Variants in DEFB127 observed in about 807,000 individuals in gnomAD.
The protein encoded by DEFB127 is defensin beta 127, also known as beta-defensin 127.
A neutral mutation model predicts 2.4 loss-of-function variants in DEFB127; 2 were observed. That is an observed-to-expected ratio of 0.82 (90% CI 0.34 to 2.58). The LOEUF (loss-of-function observed/expected upper bound fraction) is 2.58, where lower values mean the gene tolerates loss of function less well. Ranked by LOEUF, DEFB127 falls within the 30% of genes most tolerant of loss-of-function variation. The probability of loss-of-function intolerance (pLI) is 0.11; values close to 1 mark genes in which losing one functional copy is unlikely to be tolerated. For missense variants in DEFB127, 110 were observed against 113.2 expected (o/e 0.97, Z 0.13); for synonymous variants, 37 against 39.8 (o/e 0.93, Z 0.26).
intron 1 of DEFB127, among the ~76,000 whole-genome samples, chr20:158,519 G>C (rs763331251): frequency 6.6e-6 from 1 of 152,130 alleles, no homozygotes; most frequent in Non-Finnish European, 1.5e-5. Context: ...TCTCAGATAA[G>C]ATCTTATGTT....
In DEFB127 at chr20:157,494, C is replaced by T; in HGVS notation, c.-51C>T. ...TCTCTGAGGAAGGTAGCATAGTGTGCAGTTCACTGGACCAAAAGCTTTGGC... is the reference window on the plus strand; with the variant it reads ...TCTCTGAGGAAGGTAGCATAGTGTGTAGTTCACTGGACCAAAAGCTTTGGC... On this transcript the variant is annotated 5_prime_UTR_variant, in exon 1 of 2. Coordinates refer to ENST00000382388, the MANE Select transcript of DEFB127 (RefSeq NM_139074.4). 6.3e-7 allele frequency: 1 copy of T among 1,593,260 alleles called. No homozygotes were observed. Among genetic ancestry groups the T allele is most frequent in the East Asian group, 2.2e-5 (1 of 44,788 alleles).
chr20:158,624 T>C, intron 1 of DEFB127, 150 bp from the exon 2 acceptor site: 1 of 762,018 alleles, frequency 1.3e-6, no homozygotes, highest in Non-Finnish European at 2.0e-6. Context: ...AGGTTGACCT[T>C]GTCGGAAAAT....
rs2054713622 is a variant in DEFB127 at position 158,827 on chromosome 20, A to G, written c.103A>G (p.Lys35Glu). The change falls in exon 2 of 2, where the codon AAA (lysine) becomes GAA (glutamate). Residue 35 changes from lysine to glutamate, a missense_variant. Physicochemically the swap from Lys to Glu is moderately conservative, Grantham distance 56 (BLOSUM62 1). Transcript: ENST00000382388. ...TAACTATGTACAAGGACATTGCAGG[A>G]AAATCTGCAGAGTAAATGAAGTGCC... ...WNNYVQGHCRKICRVNEVPEA... is the reference protein window; with the variant it reads ...WNNYVQGHCREICRVNEVPEA... 1 of 1,613,522 alleles carries G rather than the reference A, an allele frequency of 6.2e-7. No individual in the cohort carries two copies. The highest frequency in any genetic ancestry group is 2.2e-5 in the East Asian group (1 of 44,876).
Position 157,757 on chromosome 20 carries a change from G to A in DEFB127, c.49+164G>A, listed in dbSNP as rs548163371. On this transcript the variant is annotated intron_variant, in intron 1 of 1. Coordinates refer to ENST00000382388, the MANE Select transcript of DEFB127 (RefSeq NM_139074.4). The stretch of plus-strand genomic sequence containing the variant: ...TCCTCTTTCTGGAGCCTTATTCCAT[G>A]TTACTATCCTTAAAGAGGAGTACTC... Among the ~76,000 whole-genome samples, 37 of 152,254 alleles carry A rather than the reference G, an allele frequency of 2.4e-4. No individual in the cohort carries two copies. The South Asian group carries it at 4.2e-3, about 17-fold the overall frequency.
In DEFB127 at chr20:157,931, A is replaced by ATATG. The variant is rs1491161669; in HGVS notation, c.49+339_49+340insATGT. Among the ~76,000 whole-genome samples, 39 of 21,116 alleles carry ATATG rather than the reference A, an allele frequency of 1.8e-3. 1 individual carries two copies. The highest frequency in any genetic ancestry group is 2.0e-3 in the African/African-American group (33 of 16,172). 13.9% of individuals were successfully genotyped at this position (21,116 alleles called of 152,430 possible). On this transcript the variant is annotated intron_variant, in intron 1 of 1. Coordinates refer to ENST00000382388, the MANE Select transcript of DEFB127 (RefSeq NM_139074.4). ...TATTTCCTTTTACTCAAATATATAT[A>ATATG]TGTGTGTGTGTGTGTGTGTGTGTGT...
Position 159,077 on chromosome 20 carries a change from G to A in DEFB127, c.*53G>A, listed in dbSNP as rs775956923. 51 of 1,527,324 alleles carry A rather than the reference G, an allele frequency of 3.3e-5. No individual in the cohort carries two copies. The highest frequency in any genetic ancestry group is 4.3e-5 in the Non-Finnish European group (49 of 1,135,150). 94.6% of individuals were successfully genotyped at this position (1,527,324 alleles called of 1,614,324 possible). ...TTCTCAACCTAGTCTAATAAACTAA[G>A]GTGATGAGATATACATCTTCTTCCT... On this transcript the variant is annotated 3_prime_UTR_variant, in exon 2 of 2. Coordinates refer to ENST00000382388, the MANE Select transcript of DEFB127 (RefSeq NM_139074.4).
In DEFB127 at chr20:157,456, A is replaced by C. The variant is rs1282051622; in HGVS notation, c.-89A>C. 4 of 1,403,810 alleles carry C rather than the reference A, an allele frequency of 2.8e-6. No homozygotes were observed. The highest frequency in any genetic ancestry group is 2.8e-5 in the African/African-American group (2 of 71,180). 87.0% of individuals were successfully genotyped at this position (1,403,810 alleles called of 1,614,324 possible). On this transcript the variant is annotated 5_prime_UTR_variant, in exon 1 of 2. Coordinates refer to ENST00000382388, the MANE Select transcript of DEFB127 (RefSeq NM_139074.4). ...CATCCCATCTGTTCTGGTTCAGTGC[A>C]TAAGAATCTAAGTCTCTGAGGAAGG...
intron 1 of DEFB127, among the ~76,000 whole-genome samples, chr20:158,202 CAT>C (rs1568467399): frequency 6.6e-6 from 1 of 152,114 alleles, no homozygotes; most frequent in Non-Finnish European, 1.5e-5. Flanking sequence ...AGATTTCTTA[CAT>C]GTGTCCCTTA....
rs2054706678 is a variant in DEFB127 at position 157,461 on chromosome 20, A to T, written c.-84A>T. 1 of 1,449,938 alleles carries T rather than the reference A, an allele frequency of 6.9e-7. No individual in the cohort carries two copies. Among genetic ancestry groups the T allele is most frequent in the Non-Finnish European group, 9.7e-7 (1 of 1,032,364 alleles). The allele number at this position is 1,449,938 out of a possible 1,614,324, so 89.8% of individuals were successfully genotyped here. On this transcript the variant is annotated 5_prime_UTR_variant, in exon 1 of 2. Transcript: ENST00000382388. ...CATCTGTTCTGGTTCAGTGCATAAGAATCTAAGTCTCTGAGGAAGGTAGCA... is the reference window on the plus strand; with the variant it reads ...CATCTGTTCTGGTTCAGTGCATAAGTATCTAAGTCTCTGAGGAAGGTAGCA...
intron 1 of DEFB127, 35 bp downstream of exon 1, chr20:157,628 T>C: frequency 6.2e-7 from 1 of 1,612,524 alleles, no homozygotes; most frequent in Non-Finnish European, 8.5e-7. Flanking sequence ...AAATCAACAG[T>C]GGGATGGAGC....
intron 1 of DEFB127, among the ~76,000 whole-genome samples, chr20:158,290 C>T (rs912864545): frequency 6.6e-6 from 1 of 152,118 alleles, no homozygotes; most frequent in African/African-American, 2.4e-5. Flanking sequence ...TACTGGATAA[C>T]ATGAAAGTCA....
chr20:157,927 ATATATGTGTGTGTG>A lies in DEFB127; in HGVS notation c.49+336_49+349del, dbSNP rs1455217407. Among the ~76,000 whole-genome samples, 720 of 83,340 alleles carry A rather than the reference ATATATGTGTGTGTG, an allele frequency of 8.6e-3. 28 individuals are homozygous for A. In the East Asian group the frequency reaches 0.11, roughly 12 times the overall value. 54.7% of individuals were successfully genotyped at this position (83,340 alleles called of 152,430 possible). ...GCTATATTTCCTTTTACTCAAATAT[ATATATGTGTGTGTG>A]TGTGTGTGTGTGTGTGTGTGTGCAT... On this transcript the variant is annotated intron_variant, in intron 1 of 1. Coordinates refer to ENST00000382388, the MANE Select transcript of DEFB127 (RefSeq NM_139074.4).
chr20:158,211 CTTA>C (rs1440199217), intron 1 of DEFB127, among the ~76,000 whole-genome samples: 1 of 152,094 alleles, frequency 6.6e-6, no homozygotes, highest in Non-Finnish European at 1.5e-5. Context: ...ACATGTGTCC[CTTA>C]TTATAAGAAT....
rs766089083 is a variant in DEFB127 at position 158,851 on chromosome 20, C to T, written c.127C>T (p.Pro43Ser). 11 of 1,613,698 alleles carry T rather than the reference C, an allele frequency of 6.8e-6. No homozygotes were observed. In the Admixed American group the frequency reaches 1.8e-4, roughly 27 times the overall value. Residue 43 changes from proline to serine, a missense_variant, in exon 2 of 2, where the codon CCT (proline) becomes TCT (serine). Physicochemically the swap from Pro to Ser is moderately conservative, Grantham distance 74. Transcript: ENST00000382388. ...GAAAATCTGCAGAGTAAATGAAGTG[C>T]CTGAGGCACTATGTGAAAATGGGAG... ...CRKICRVNEV[P>S]EALCENGRYC...
At chr20:157,959 G>A (rs1341307169) in intron 1 of DEFB127, among the ~76,000 whole-genome samples, 1 of 150,588 alleles carries the variant, frequency 6.6e-6, no homozygotes, top group Non-Finnish European at 1.5e-5. Flanking sequence ...GTGTGTGTGT[G>A]TGTGCATGAA....
At chr20:158,441 G>C (rs1024339943) in intron 1 of DEFB127, among the ~76,000 whole-genome samples, 24 of 152,192 alleles carry the variant, frequency 1.6e-4, no homozygotes, top group South Asian at 4.1e-4. Context: ...GATGCAGGCA[G>C]ATTTGCTGAG....
chr20:157,685 T>C (rs1378724774), intron 1 of DEFB127, 92 bp downstream of exon 1: 1 of 1,418,708 alleles, frequency 7.0e-7, no homozygotes, highest in Non-Finnish European at 9.9e-7. Context: ...TAAAGGGAAA[T>C]AGAGCCCCCA....
At position 158,908 on chromosome 20, in the gene DEFB127, G is replaced by A. The variant is rs1191161424; in HGVS notation, c.184G>A (p.Ala62Thr). Residue 62 changes from alanine to threonine, a missense_variant, in exon 2 of 2, where the codon GCA (alanine) becomes ACA (threonine). Ala to Thr is a moderately conservative substitution (Grantham distance 58). Coordinates refer to ENST00000382388, the MANE Select transcript of DEFB127 (RefSeq NM_139074.4). ...YCCLNIKELE[A>T]CKKITKPPRP... ...TTGCCTCAATATCAAGGAACTGGAA[G>A]CATGTAAAAAAATTACAAAGCCACC... The A allele has an allele frequency of 2.5e-6, 4 of 1,613,780 alleles. No individual in the cohort carries two copies. Among genetic ancestry groups the A allele is most frequent in the Non-Finnish European group, 3.4e-6 (4 of 1,179,812 alleles).
chr20:157,929 A>ATGTG (rs1197434599), intron 1 of DEFB127, among the ~76,000 whole-genome samples: 4 of 130,238 alleles, frequency 3.1e-5, no homozygotes, highest in African/African-American at 5.3e-5. Context: ...TCAAATATAT[A>ATGTG]TATGTGTGTG....
Sources: gnomAD v4.1 joint callset for allele counts (sites outside exome capture counted in the v4.1 genomes callset) on GRCh38, gnomAD v4.1.1 for gene constraint, MANE v1.5 for transcripts, NCBI Gene and HGNC (gene_info 2026-07-23, HGNC 2026-07-21) for gene names.